The following CD74 variants were observed in gnomAD, a reference collection of about 807,000 sequenced individuals.
The protein encoded by CD74 is CD74 molecule, also known as HLA class II histocompatibility antigen gamma chain.
In CD74, 20 loss-of-function variants were observed where a neutral mutation model predicts 37.1. That is an observed-to-expected ratio of 0.54 (90% CI 0.38 to 0.78). The LOEUF is 0.78. CD74 is among the 30% of genes least tolerant of loss of function. CD74 has a pLI of 0.00. For synonymous variants in CD74, 150 were observed against 152.0 expected, an observed-to-expected ratio of 0.99 and a Z score of 0.10; for missense variants, 338 against 389.5, an observed-to-expected ratio of 0.87 and a Z score of 1.11.
intron 1 of CD74, among the ~76,000 whole-genome samples, chr5:150,408,329 G>T (rs1179052390): frequency 6.6e-6 from 1 of 152,080 alleles, no homozygotes; most frequent in African/African-American, 2.4e-5. Context: ...GCAGGGCCAG[G>T]CACCACCCAC....
At chr5:150,405,523 T>G (rs994228027) in intron 4 of CD74, 13 of 730,686 alleles carry the variant, frequency 1.8e-5, no homozygotes, top group South Asian at 6.1e-5. Flanking sequence ...CCAGCTAGGT[T>G]GAGTCCTCTG....
intron 1 of CD74, among the ~76,000 whole-genome samples, chr5:150,411,075 T>C (rs1356156634): frequency 6.6e-6 from 1 of 152,230 alleles, no homozygotes; most frequent in Non-Finnish European, 1.5e-5. Flanking sequence ...CTTGGGTAAG[T>C]CACTTACCAA....
rs2151170577 is a variant in CD74 at position 150,403,364 on chromosome 5, G to A, written c.626-52C>T. The A allele has an allele frequency of 6.5e-7, 1 of 1,530,576 alleles. No homozygotes were observed. The highest frequency in any genetic ancestry group is 9.1e-7 in the Non-Finnish European group (1 of 1,104,794). 94.8% of individuals were successfully genotyped at this position (1,530,576 alleles called of 1,614,324 possible). A position where few individuals can be genotyped will look rare whatever the true frequency, so the allele number is the denominator to read the frequency against. On this transcript the variant is annotated intron_variant, in intron 6 of 8. Transcript: ENST00000009530. This position sits in a 1 kb window ranked among gnomAD's most constrained non-coding sequence, Gnocchi z 4.5. ...CAGTGAGTGAGTGAGCTCTGAACCAGGGTCTGAGCAGAGCTAAAGACCCAC... is the reference window on the plus strand; with the variant it reads ...CAGTGAGTGAGTGAGCTCTGAACCAAGGTCTGAGCAGAGCTAAAGACCCAC...
intron 3 of CD74, 191 bp downstream of exon 3, chr5:150,406,690 G>A (rs1048110311): frequency 3.4e-6 from 2 of 588,526 alleles, no homozygotes; most frequent in Admixed American, 3.0e-5. Flanking sequence ...CCCAGGGATG[G>A]CACCAAGAGA....
intron 6 of CD74, chr5:150,404,406 CTA>C: frequency 4.4e-6 from 2 of 454,754 alleles, no homozygotes; most frequent in Non-Finnish European, 8.2e-6. Flanking sequence ...GTACCATCCT[CTA>C]TGAGAGAGGT....
Position 150,407,202 on chromosome 5 carries a change from A to G in CD74, c.248T>C (p.Val83Ala), listed in dbSNP as rs1275441254. Reference protein sequence around the residue: ...QQQGRLDKLTVTSQNLQLENL... With the variant: ...QQQGRLDKLTATSQNLQLENL... ...CTCCAGCTGCAGGTTCTGGGAGGTG[A>G]CTGTCAGTTTGTCCAGCCGGCCCTG... The change falls in exon 2 of 9, where the codon GTC (valine) becomes GCC (alanine). Residue 83 changes from valine to alanine, a missense_variant. Val to Ala is a moderately conservative substitution (Grantham distance 64, BLOSUM62 0). Coordinates refer to ENST00000009530, the MANE Select transcript of CD74 (RefSeq NM_001025159.3). The surrounding 1 kb of genome is among the most constrained non-coding windows in gnomAD (Gnocchi z 4.4). The G allele has an allele frequency of 6.2e-7, 1 of 1,613,916 alleles. No homozygotes were observed. The highest frequency in any genetic ancestry group is 8.5e-7 in the Non-Finnish European group (1 of 1,179,936).
chr5:150,404,292 A>T (rs1287359512), intron 6 of CD74, among the ~76,000 whole-genome samples: 2 of 152,204 alleles, frequency 1.3e-5, no homozygotes, highest in Non-Finnish European at 2.9e-5. Context: ...AGCAGCTGTG[A>T]CCTTGGCGCC....
rs962949070 is a variant in CD74 at position 150,403,498 on chromosome 5, A to G, written c.626-186T>C. ...AGACCAACAAGGTCTGAGATCAAAA[A>G]GGAAGTGAATGGCCATGTGTCCAAT... On this transcript the variant is annotated intron_variant, in intron 6 of 8. Coordinates refer to ENST00000009530, the MANE Select transcript of CD74 (RefSeq NM_001025159.3). This position sits in a 1 kb window ranked among gnomAD's most constrained non-coding sequence, Gnocchi z 4.5. Among the ~76,000 whole-genome samples the G allele has an allele frequency of 3.3e-5, 5 of 152,222 alleles. No individual in the cohort carries two copies. Among genetic ancestry groups the G allele is most frequent in the African/African-American group, 1.2e-4 (5 of 41,460 alleles).
chr5:150,406,925 G>A lies in CD74; in HGVS notation c.334C>T (p.Pro112Ser). 1 of 1,548,222 alleles carries A rather than the reference G, an allele frequency of 6.5e-7. No homozygotes were observed. Among genetic ancestry groups the A allele is most frequent in the East Asian group, 2.3e-5 (1 of 44,036 alleles). ...ATGGGCAGCGCCTGCATCAGCAGCGGGGTGGCCATGCGCATCTTGCTCACA... is the reference window on the plus strand; with the variant it reads ...ATGGGCAGCGCCTGCATCAGCAGCGAGGTGGCCATGCGCATCTTGCTCACA... ...KPVSKMRMAT[P>S]LLMQALPMGA... Residue 112 changes from proline to serine, a missense_variant, in exon 3 of 9, where the codon CCG becomes TCG. Pro to Ser is a moderately conservative substitution (Grantham distance 74). Transcript: ENST00000009530.
chr5:150,411,684 G>A (rs1273553431), intron 1 of CD74, among the ~76,000 whole-genome samples: 1 of 152,144 alleles, frequency 6.6e-6, no homozygotes, highest in African/African-American at 2.4e-5. Context: ...CAAGGGAGAG[G>A]GGCACAGGCA....
intron 6 of CD74, 50 bp downstream of exon 6, chr5:150,404,630 G>T (rs1769838781): frequency 4.2e-6 from 5 of 1,195,396 alleles, no homozygotes; most frequent in Admixed American, 2.0e-5. Context: ...CTTCAGGAGA[G>T]CCCCGAGGGT....
chr5:150,406,182 A>G (rs942745456), intron 4 of CD74, 77 bp downstream of exon 4: 1 of 1,036,972 alleles, frequency 9.6e-7, no homozygotes, highest in Non-Finnish European at 1.5e-6. Flanking sequence ...TGAGCCAGGT[A>G]TACAGGCCTT....
chr5:150,411,389 A>G (rs1201516214), intron 1 of CD74, among the ~76,000 whole-genome samples: 1 of 152,218 alleles, frequency 6.6e-6, no homozygotes, highest in Non-Finnish European at 1.5e-5. Context: ...TTCACAGGCC[A>G]CAGCTCTAAT....
Position 150,404,702 on chromosome 5 carries a change from CT to C in CD74, c.602del (p.Lys201SerfsTer10), listed in dbSNP as rs1193424130. On this transcript the variant is annotated frameshift_variant, in exon 6 of 9. Coordinates refer to ENST00000009530, the MANE Select transcript of CD74 (RefSeq NM_001025159.3). LOFTEE classifies it high-confidence loss of function. ...TACCTTTCGGTGGAGCGTCAGTGGG[CT>C]TTTGCTCCAAGGAGTGCCTGCTCAT... ...FEMSRHSLEQ[K>X]PTDAPPKVLT... 1.9e-6 allele frequency: 3 copies of C among 1,583,928 alleles called. No homozygotes were observed. Among genetic ancestry groups the C allele is most frequent in the Admixed American group, 1.8e-5 (1 of 55,398 alleles).
At position 150,407,316 on chromosome 5, in the gene CD74, C is replaced by T; in HGVS notation, c.134G>A (p.Ser45Asn). ...RRPGAPESKC[S>N]RGALYTGFSI... ...AAAGCCTGTGTACAGGGCTCCGCGG[C>T]TGCACTTGCTGTGGGAGGTGGGGAG... Residue 45 changes from serine to asparagine, a missense_variant, in exon 2 of 9, where the codon AGC (serine) becomes AAC (asparagine). By Grantham distance (46) the Ser-to-Asn change is conservative. Transcript: ENST00000009530. The surrounding 1 kb of genome is among the most constrained non-coding windows in gnomAD (Gnocchi z 4.4). 4 of 1,606,448 alleles carry T rather than the reference C, an allele frequency of 2.5e-6. No homozygotes were observed. The highest frequency in any genetic ancestry group is 3.4e-6 in the Non-Finnish European group (4 of 1,176,924).
At chr5:150,405,007 A>T in intron 5 of CD74, 78 bp downstream of exon 5, 1 of 982,390 alleles carries the variant, frequency 1.0e-6, no homozygotes, top group Non-Finnish European at 1.6e-6. Context: ...TCCCCAGCCC[A>T]CCCTCACCCC....
chr5:150,410,293 G>A (rs530832557), intron 1 of CD74, among the ~76,000 whole-genome samples: 1 of 152,206 alleles, frequency 6.6e-6, no homozygotes, highest in African/African-American at 2.4e-5. Context: ...CAGTTCCTCA[G>A]GAGGCCTAAG....
At position 150,407,666 on chromosome 5, in the gene CD74, G is replaced by C. The variant is rs546098530; in HGVS notation, c.126-342C>G. On this transcript the variant is annotated intron_variant, in intron 1 of 8. Transcript: ENST00000009530. This position sits in a 1 kb window ranked among gnomAD's most constrained non-coding sequence, Gnocchi z 4.4. Reference sequence around the variant, plus strand: ...CTGTGCGATGAGGGGTTGAGGTGGGGGGGTCTTCCCAGGCTCCCTTTGCCG... The same window carrying C: ...CTGTGCGATGAGGGGTTGAGGTGGGCGGGTCTTCCCAGGCTCCCTTTGCCG... Among the ~76,000 whole-genome samples, 1 of 152,300 alleles carries C rather than the reference G, an allele frequency of 6.6e-6. No homozygotes were observed. The highest frequency in any genetic ancestry group is 1.9e-4 in the East Asian group (1 of 5,172).
intron 1 of CD74, among the ~76,000 whole-genome samples, chr5:150,410,871 G>C (rs111419458): frequency 2.0e-5 from 3 of 152,230 alleles, no homozygotes; most frequent in African/African-American, 7.2e-5. Context: ...ATTAGACAAG[G>C]GGACATGCAC....
Sources: gnomAD v4.1 joint callset for allele counts (sites outside exome capture counted in the v4.1 genomes callset) on GRCh38, gnomAD v4.1.1 for gene constraint, Gnocchi (gnomAD v3.1) non-coding constraint, MANE v1.5 for transcripts, NCBI Gene and HGNC (gene_info 2026-07-23, HGNC 2026-07-21) for gene names.